Variants in PSMD11 observed in about 807,000 individuals in gnomAD.
PSMD11 encodes the protein 26S proteasome non-ATPase regulatory subunit 11.
A neutral mutation model predicts 62.3 loss-of-function variants in PSMD11; 5 were observed. The observed-to-expected ratio is 0.08, with a 90% CI of 0.04 to 0.17. The LOEUF (loss-of-function observed/expected upper bound fraction) is 0.17, where lower values mean the gene tolerates loss of function less well. PSMD11 is among the 10% of genes least tolerant of loss of function. The pLI, the probability that PSMD11 is intolerant of heterozygous loss-of-function variation, is 1.00. For synonymous variants in PSMD11, 191 were observed against 191.8 expected, an observed-to-expected ratio of 1.00 and a Z score of 0.03; for missense variants, 310 against 512.9, an observed-to-expected ratio of 0.60 and a Z score of 3.82.
At chr17:32,458,089 G>A (rs1907704149) in intron 3 of PSMD11, among the ~76,000 whole-genome samples, 2 of 152,166 alleles carry the variant, frequency 1.3e-5, no homozygotes, top group Admixed American at 1.3e-4. Context: ...GTGAGCTACT[G>A]CGCCCAGCTG....
At chr17:32,461,387 C>T (rs1346685641) in intron 3 of PSMD11, among the ~76,000 whole-genome samples, 1 of 151,950 alleles carries the variant, frequency 6.6e-6, no homozygotes, top group East Asian at 1.9e-4. Context: ...CACAATAGCA[C>T]GTTTTAAGAA....
intron 2 of PSMD11, among the ~76,000 whole-genome samples, chr17:32,449,883 T>C (rs558091139): frequency 2.0e-5 from 3 of 152,342 alleles, no homozygotes; most frequent in South Asian, 4.1e-4. Flanking sequence ...AGTATTCTAC[T>C]CAAAAATTTA....
At chr17:32,466,930 T>G (rs1042203436) in intron 5 of PSMD11, among the ~76,000 whole-genome samples, 1 of 152,106 alleles carries the variant, frequency 6.6e-6, no homozygotes, top group Non-Finnish European at 1.5e-5. Flanking sequence ...GTATGTCTTG[T>G]TTTTTTGTTT....
intron 13 of PSMD11, 51 bp from the exon 14 acceptor site, chr17:32,480,702 C>G: frequency 6.5e-7 from 1 of 1,544,082 alleles, no homozygotes; most frequent in South Asian, 1.1e-5. Context: ...AAAACCTCCT[C>G]CTGGTGTCCT....
rs1023284691 is a variant in PSMD11 at position 32,481,251 on chromosome 17, G to A, written c.*499G>A. The A allele has an allele frequency of 1.3e-5, 2 of 154,020 alleles. No individual in the cohort carries two copies. Among genetic ancestry groups the A allele is most frequent in the African/African-American group, 4.8e-5 (2 of 41,442 alleles). 9.5% of individuals were successfully genotyped at this position (154,020 alleles called of 1,614,324 possible). A position where few individuals can be genotyped will look rare whatever the true frequency, so the allele number is the denominator to read the frequency against. On this transcript the variant is annotated 3_prime_UTR_variant, in exon 14 of 14. Coordinates refer to ENST00000261712, the MANE Select transcript of PSMD11 (RefSeq NM_002815.4). ...TTTTTATTTGAAATGAGGCATTTTG[G>A]TGTTCTTTCCCCTACCATACGGCCT... is the stretch of plus-strand genomic sequence containing the variant.
chr17:32,469,446 C>G (rs182729915), intron 6 of PSMD11, among the ~76,000 whole-genome samples: 1 of 152,194 alleles, frequency 6.6e-6, no homozygotes, highest in Admixed American at 6.5e-5. Flanking sequence ...AAAGGTCGCA[C>G]GTAGAAGACT....
chr17:32,454,229 A>G lies in PSMD11; in HGVS notation c.194-266A>G, dbSNP rs369729886. ...GTTTATCTTTCATTAAGATGGATAA[A>G]TGAAGCAGAGACATGAGCTTTTCCT... On this transcript the variant is annotated intron_variant, in intron 2 of 13. Coordinates refer to ENST00000261712, the MANE Select transcript of PSMD11 (RefSeq NM_002815.4). 1.6e-4 allele frequency among the ~76,000 whole-genome samples: 25 copies of G among 152,366 alleles called. 1 individual carries two copies. The highest frequency in any genetic ancestry group is 5.5e-4 in the African/African-American group (23 of 41,584).
chr17:32,480,820 TAGG>T lies in PSMD11; in HGVS notation c.*71_*73del, dbSNP rs1908466513. On this transcript the variant is annotated 3_prime_UTR_variant, in exon 14 of 14. Coordinates refer to ENST00000261712, the MANE Select transcript of PSMD11 (RefSeq NM_002815.4). Reference sequence around the variant, plus strand: ...AGAGTGAAACCTTGGGGGAAAATGCTAGGAGATTCTTTTTTCTTTTTGTTCTAC... The same window carrying T: ...AGAGTGAAACCTTGGGGGAAAATGCTAGATTCTTTTTTCTTTTTGTTCTAC... The T allele has an allele frequency of 1.7e-6, 1 of 571,638 alleles. No homozygotes were observed. The highest frequency in any genetic ancestry group is 2.8e-6 in the Non-Finnish European group (1 of 352,670). The allele number at this position is 571,638 out of a possible 1,614,324, so 35.4% of individuals were successfully genotyped here. A position where few individuals can be genotyped will look rare whatever the true frequency, so the allele number is the denominator to read the frequency against.
At chr17:32,460,647 C>T (rs887134126) in intron 3 of PSMD11, among the ~76,000 whole-genome samples, 1 of 151,774 alleles carries the variant, frequency 6.6e-6, no homozygotes, top group African/African-American at 2.4e-5. Context: ...GTGGCGGGCG[C>T]CTGAAGTCCC....
intron 6 of PSMD11, among the ~76,000 whole-genome samples, chr17:32,469,683 A>G (rs1329117454): frequency 6.7e-6 from 1 of 149,300 alleles, no homozygotes; most frequent in Non-Finnish European, 1.5e-5. Context: ...CAGGTGGAAT[A>G]CTTTCTTTTG....
At chr17:32,476,876 T>A (rs1221623242) in intron 8 of PSMD11, 1 of 152,326 alleles carries the variant, frequency 6.6e-6, no homozygotes, top group Non-Finnish European at 1.5e-5. Context: ...GCAATTCTCC[T>A]GCCTCAGCCT....
intron 6 of PSMD11, among the ~76,000 whole-genome samples, chr17:32,471,917 G>A (rs1908173602): frequency 6.6e-6 from 1 of 151,528 alleles, no homozygotes; most frequent in African/African-American, 2.4e-5. Context: ...CACCCATGCT[G>A]CAGTGCATTT....
intron 6 of PSMD11, among the ~76,000 whole-genome samples, chr17:32,473,480 A>T (rs1395264834): frequency 6.6e-6 from 1 of 151,504 alleles, no homozygotes; most frequent in Non-Finnish European, 1.5e-5. Flanking sequence ...GGATTTGTCC[A>T]TGTTGGTCAG....
intron 3 of PSMD11, among the ~76,000 whole-genome samples, chr17:32,462,050 G>A (rs1293096119): frequency 6.6e-6 from 1 of 152,190 alleles, no homozygotes; most frequent in Non-Finnish European, 1.5e-5. Context: ...TGAATTGCAG[G>A]AGTATAATTC....
chr17:32,465,288 T>C (rs1030770074), intron 5 of PSMD11, among the ~76,000 whole-genome samples: 1 of 152,082 alleles, frequency 6.6e-6, no homozygotes, highest in Non-Finnish European at 1.5e-5. Context: ...AATTTTTGTA[T>C]TTTTAGTAGA....
rs1304090257 is a variant in PSMD11, at chr17:32,472,541, CT to C, written c.644-1246del. On this transcript the variant is annotated intron_variant, in intron 6 of 13. Coordinates refer to ENST00000261712, the MANE Select transcript of PSMD11 (RefSeq NM_002815.4). ...AGACGTGAGCCACTGTGCCTGACCT[CT>C]TTTTTTTTTTTTTAAGACGGAGTCT... 8.7e-3 allele frequency among the ~76,000 whole-genome samples: 1,212 copies of C among 138,592 alleles called. 8 individuals are homozygous for C. The highest frequency in any genetic ancestry group is 0.021 in the African/African-American group (815 of 38,074). 90.9% of individuals were successfully genotyped at this position (138,592 alleles called of 152,430 possible).
intron 6 of PSMD11, among the ~76,000 whole-genome samples, chr17:32,472,225 GT>G (rs796431729): frequency 2.5e-3 from 349 of 140,710 alleles, no homozygotes; most frequent in African/African-American, 5.0e-3. Flanking sequence ...TTGACGTAGA[GT>G]TTTTTTTTTT....
chr17:32,463,325 G>T (rs1271065683), intron 3 of PSMD11: 3 of 151,980 alleles, frequency 2.0e-5, no homozygotes, highest in African/African-American at 2.4e-5. Context: ...GCGCTTTTAC[G>T]TGTTAGGCTA....
rs570896636 is a variant in PSMD11 at position 32,482,281 on chromosome 17, C to T, written c.*1529C>T. The T allele has an allele frequency of 2.0e-5, 3 of 152,240 alleles. No homozygotes were observed. The highest frequency in any genetic ancestry group is 4.2e-4 in the South Asian group (2 of 4,816). The allele number at this position is 152,240 out of a possible 1,614,324, so 9.4% of individuals were successfully genotyped here. ...TCTAGTCACTGTTTTGGTTTTGGCA[C>T]CATCAGTATCAAATGTACAAACGGT... On this transcript the variant is annotated 3_prime_UTR_variant, in exon 14 of 14. Coordinates refer to ENST00000261712, the MANE Select transcript of PSMD11 (RefSeq NM_002815.4).
Sources: gnomAD v4.1 joint callset for allele counts (sites outside exome capture counted in the v4.1 genomes callset) on GRCh38, gnomAD v4.1.1 for gene constraint, MANE v1.5 for transcripts, NCBI Gene and HGNC (gene_info 2026-07-23, HGNC 2026-07-21) for gene names.